CGNL1: variants seen among roughly 807,000 people sequenced by gnomAD.
CGNL1 encodes cingulin like 1, also known as cingulin-like protein 1.
Under a neutral mutation model 141.2 loss-of-function variants are expected in CGNL1, and 132 were observed. That is an observed-to-expected ratio of 0.93 (90% confidence interval 0.81 to 1.08). CGNL1 has a LOEUF of 1.08. CGNL1 is among the 50% of genes least tolerant of loss of function. The pLI, the probability that CGNL1 is intolerant of heterozygous loss-of-function variation, is 0.00. For missense variants in CGNL1, 1,870 were observed against 1,588.6 expected (o/e 1.18, Z -3.01); for synonymous variants, 690 against 622.1 (o/e 1.11, Z -1.63).
At chr15:57,526,434 T>C (rs1199435809) in intron 12 of CGNL1, among the ~76,000 whole-genome samples, 5 of 151,932 alleles carry the variant, frequency 3.3e-5, no homozygotes, top group African/African-American at 7.2e-5. Context: ...CTCTGTTCAC[T>C]GCCCCTCTGC....
intron 8 of CGNL1, among the ~76,000 whole-genome samples, chr15:57,501,134 T>C (rs1252244054): frequency 1.3e-5 from 2 of 152,200 alleles, no homozygotes; most frequent in African/African-American, 2.4e-5. Flanking sequence ...TACCAGGTGC[T>C]GGGCTGGGCA....
Position 57,546,233 on chromosome 15 carries a change from A to G in CGNL1, c.3767A>G (p.Asp1256Gly). ...LQGQLNSMKK[D>G]LRLKKLPSKV... is the part of the protein sequence containing the mutation. ...GGGCAGCTCAACTCCATGAAGAAGG[A>G]CTTAAGGTGGGCAGGTGTGGAGGCC... The change falls in exon 18 of 19, where the codon GAC (aspartate) becomes GGC (glycine). Residue 1256 changes from aspartate (D) to glycine (G), a missense_variant. Coordinates refer to ENST00000281282, the MANE Select transcript of CGNL1 (RefSeq NM_032866.5). 1 of 1,579,752 alleles carries G rather than the reference A, an allele frequency of 6.3e-7. No individual in the cohort carries two copies. The highest frequency in any genetic ancestry group is 1.8e-5 in the Admixed American group (1 of 54,842).
At chr15:57,422,057 C>G (rs1439909002) in intron 1 of CGNL1, among the ~76,000 whole-genome samples, 1 of 151,972 alleles carries the variant, frequency 6.6e-6, no homozygotes, top group Non-Finnish European at 1.5e-5. Context: ...TGTAACCAGC[C>G]TAGCTGACCA....
At chr15:57,385,190 C>T (rs1320163963) in intron 1 of CGNL1, among the ~76,000 whole-genome samples, 2 of 152,114 alleles carry the variant, frequency 1.3e-5, no homozygotes, top group Non-Finnish European at 2.9e-5. Context: ...GGTTCAAGTC[C>T]ACCATCCATT....
chr15:57,482,238 C>A (rs2063735324), intron 8 of CGNL1, among the ~76,000 whole-genome samples: 2 of 151,848 alleles, frequency 1.3e-5, no homozygotes, highest in South Asian at 4.1e-4. Context: ...CAAAACAAAA[C>A]AAAACAAAAA....
At chr15:57,545,748 C>G in intron 17 of CGNL1, 48 bp downstream of exon 17, 1 of 1,502,584 alleles carries the variant, frequency 6.7e-7, no homozygotes, top group African/African-American at 1.4e-5. Flanking sequence ...TTGCGTGTCT[C>G]AGGCTGAGGG....
At chr15:57,398,012 A>G (rs1238765624) in intron 1 of CGNL1, among the ~76,000 whole-genome samples, 2 of 152,036 alleles carry the variant, frequency 1.3e-5, no homozygotes, top group Non-Finnish European at 2.9e-5. Context: ...TGAACTCCTG[A>G]CCTCGAGATG....
chr15:57,493,124 A>C (rs2063889555), intron 8 of CGNL1, among the ~76,000 whole-genome samples: 1 of 152,196 alleles, frequency 6.6e-6, no homozygotes, highest in African/African-American at 2.4e-5. Context: ...CAATATTAGT[A>C]CTTTAGATAG....
chr15:57,487,556 C>T (rs1275301017), intron 8 of CGNL1, among the ~76,000 whole-genome samples: 1 of 152,016 alleles, frequency 6.6e-6, no homozygotes, highest in Admixed American at 6.6e-5. Flanking sequence ...TGGTTGTTAC[C>T]AAATGAATCT....
At chr15:57,520,626 A>C (rs1003424853) in intron 10 of CGNL1, among the ~76,000 whole-genome samples, 3 of 152,212 alleles carry the variant, frequency 2.0e-5, no homozygotes, top group African/African-American at 7.2e-5. Context: ...TTCTATTTTA[A>C]AGTGCCTTCT....
Position 57,508,254 on chromosome 15 carries a change from C to A in CGNL1, c.2404-8526C>A, listed in dbSNP as rs2029903114. Among the ~76,000 whole-genome samples the A allele has an allele frequency of 3.5e-5, 5 of 142,130 alleles. No homozygotes were observed. The Admixed American group carries it at 3.8e-4, about 11-fold the overall frequency. The allele number at this position is 142,130 out of a possible 152,430, so 93.2% of individuals were successfully genotyped here. A position where few individuals can be genotyped will look rare whatever the true frequency, so the allele number is the denominator to read the frequency against. Reference sequence around the variant, plus strand: ...ACTGTATAACCAACTGAGTTCTGAACTGTAGATGTGTTGGGAGAGATTGGT... The same window carrying A: ...ACTGTATAACCAACTGAGTTCTGAAATGTAGATGTGTTGGGAGAGATTGGT... On this transcript the variant is annotated intron_variant, in intron 8 of 18. Coordinates refer to ENST00000281282, the MANE Select transcript of CGNL1 (RefSeq NM_032866.5).
At chr15:57,536,967 G>A (rs1436926592) in intron 14 of CGNL1, among the ~76,000 whole-genome samples, 1 of 152,240 alleles carries the variant, frequency 6.6e-6, no homozygotes, top group Non-Finnish European at 1.5e-5. Context: ...TGGGTGAGGA[G>A]TTAAGTTCAG....
At chr15:57,473,449 G>A (rs540777844) in intron 8 of CGNL1, among the ~76,000 whole-genome samples, 6 of 152,334 alleles carry the variant, frequency 3.9e-5, no homozygotes, top group Non-Finnish European at 7.3e-5. Flanking sequence ...AAGTTAATCA[G>A]AGTGCATAAG....
At chr15:57,537,370 G>T (rs376039005) in intron 14 of CGNL1, among the ~76,000 whole-genome samples, 1 of 152,128 alleles carries the variant, frequency 6.6e-6, no homozygotes, top group Non-Finnish European at 1.5e-5. Context: ...AGCATCAGGG[G>T]TGCCACCCCT....
intron 8 of CGNL1, among the ~76,000 whole-genome samples, chr15:57,473,871 G>T (rs28379496): frequency 0.023 from 3,192 of 138,346 alleles, 117 homozygotes; most frequent in African/African-American, 0.079. Flanking sequence ...GCCTGATTGA[G>T]TCACTTCTTC....
chr15:57,502,723 G>A (rs2064043119), intron 8 of CGNL1, among the ~76,000 whole-genome samples: 1 of 152,104 alleles, frequency 6.6e-6, no homozygotes, highest in Non-Finnish European at 1.5e-5. Context: ...ACTTTCTCTG[G>A]GACTTTAAAC....
chr15:57,438,224 C>A lies in CGNL1; in HGVS notation c.225C>A (p.Pro75=). The A allele has an allele frequency of 6.2e-7, 1 of 1,614,202 alleles. No homozygotes were observed. Among genetic ancestry groups the A allele is most frequent in the Non-Finnish European group, 8.5e-7 (1 of 1,180,022 alleles). Residue 75 remains proline (P), a synonymous_variant, in exon 2 of 19, where the codon CCC becomes CCA. Transcript: ENST00000281282. ...AGTSFSENGP[P]FPPPVINNLP... ...CATCGTTTTCTGAAAATGGGCCACC[C>A]TTTCCACCTCCAGTGATAAATAACC...
intron 8 of CGNL1, among the ~76,000 whole-genome samples, chr15:57,494,360 A>G (rs983607859): frequency 1.3e-5 from 2 of 152,114 alleles, no homozygotes; most frequent in Non-Finnish European, 2.9e-5. Flanking sequence ...TCTCTTCTAC[A>G]TGTCTCTAGG....
intron 7 of CGNL1, among the ~76,000 whole-genome samples, chr15:57,460,377 G>A (rs1191166915): frequency 1.3e-5 from 2 of 152,224 alleles, no homozygotes; most frequent in Admixed American, 6.5e-5. Context: ...CAGAAATTAT[G>A]CTTTCAGACA....
Sources: gnomAD v4.1 joint callset for allele counts (sites outside exome capture counted in the v4.1 genomes callset) on GRCh38, gnomAD v4.1.1 for gene constraint, MANE v1.5 for transcripts, NCBI Gene and HGNC (gene_info 2026-07-23, HGNC 2026-07-21) for gene names.